Variants in THSD7A observed in about 807,000 individuals in gnomAD.
The protein encoded by THSD7A is thrombospondin type-1 domain-containing protein 7A.
In THSD7A, 96 loss-of-function variants were observed where a neutral mutation model predicts 231.3. The ratio of observed to expected loss-of-function variants is 0.41; its 90% CI spans 0.35 to 0.49. The LOEUF is 0.49. Ranked by LOEUF, THSD7A falls within the 20% of genes least tolerant of loss-of-function variation. The pLI is 0.05. For synonymous variants in THSD7A, 940 were observed against 743.3 expected, an observed-to-expected ratio of 1.26 and a Z score of -4.30; for missense variants, 2,290 against 2,070.2, an observed-to-expected ratio of 1.11 and a Z score of -2.06.
In THSD7A at chr7:11,831,556, G is replaced by A. The variant is rs921565025; in HGVS notation, c.190+201C>T. 1.3e-5 allele frequency among the ~76,000 whole-genome samples: 2 copies of A among 152,172 alleles called. No homozygotes were observed. On this transcript the variant is annotated intron_variant, in intron 1 of 27. Transcript: ENST00000423059. The surrounding 1 kb of genome is among the most constrained non-coding windows in gnomAD (Gnocchi z 5.0). ...GAGAGAAATATTCCAGCTACTCACT[G>A]TTGCCTCTTAGTTGTTATGCTTTTC...
At chr7:11,570,559 CATT>C (rs1466675484) in intron 4 of THSD7A, among the ~76,000 whole-genome samples, 4 of 152,168 alleles carry the variant, frequency 2.6e-5, no homozygotes, top group Admixed American at 1.3e-4. Context: ...CTGTTTTGAT[CATT>C]ATACATTGTA....
chr7:11,668,250 C>G (rs1783225914), intron 1 of THSD7A, among the ~76,000 whole-genome samples: 1 of 152,026 alleles, frequency 6.6e-6, no homozygotes, highest in East Asian at 1.9e-4. Flanking sequence ...AACCCTGTCT[C>G]TAGTAAAAAT....
intron 1 of THSD7A, among the ~76,000 whole-genome samples, chr7:11,716,836 A>G (rs1322342324): frequency 6.6e-6 from 1 of 151,544 alleles, no homozygotes; most frequent in Non-Finnish European, 1.5e-5. Context: ...TACTACTACT[A>G]AGAAAAACAG....
At chr7:11,569,014 A>G (rs1291893392) in intron 4 of THSD7A, among the ~76,000 whole-genome samples, 1 of 150,740 alleles carries the variant, frequency 6.6e-6, no homozygotes, top group African/African-American at 2.4e-5. Flanking sequence ...CTACACTCCT[A>G]TCTCTCACCA....
intron 1 of THSD7A, among the ~76,000 whole-genome samples, chr7:11,675,369 G>C (rs1783595509): frequency 6.6e-6 from 1 of 152,224 alleles, no homozygotes; most frequent in African/African-American, 2.4e-5. Context: ...GCTAGTTGCA[G>C]GAGTTTTTCA....
chr7:11,419,593 G>T (rs560280565), intron 16 of THSD7A, among the ~76,000 whole-genome samples: 1 of 152,072 alleles, frequency 6.6e-6, no homozygotes, highest in African/African-American at 2.4e-5. Context: ...ACAGAAAATT[G>T]GTACAAAAGA....
chr7:11,823,319 T>C (rs992193194), intron 1 of THSD7A, among the ~76,000 whole-genome samples: 1 of 152,108 alleles, frequency 6.6e-6, no homozygotes, highest in Non-Finnish European at 1.5e-5. Context: ...TATGCATCTA[T>C]TTTTATACTA....
At chr7:11,448,286 T>C (rs1284994269) in intron 11 of THSD7A, among the ~76,000 whole-genome samples, 1 of 152,140 alleles carries the variant, frequency 6.6e-6, no homozygotes, top group Non-Finnish European at 1.5e-5. Context: ...GAGTGTTTTA[T>C]GGTAACAAGT....
intron 1 of THSD7A, among the ~76,000 whole-genome samples, chr7:11,689,991 A>G (rs1780184903): frequency 6.6e-6 from 1 of 151,772 alleles, no homozygotes; most frequent in Admixed American, 6.6e-5. Context: ...AGCTTCCAAC[A>G]AAGAATTCAT....
rs925689842 is a variant in THSD7A at position 11,571,593 on chromosome 7, T to C, written c.1453+18867A>G. Among the ~76,000 whole-genome samples the C allele has an allele frequency of 2.0e-5, 3 of 152,242 alleles. No homozygotes were observed. The East Asian group carries it at 5.8e-4, about 29-fold the overall frequency. ...ACATGGCTCAGGTAATCTATCTCCA[T>C]AGTCTATGTTCACAACTGCTCAGTA... On this transcript the variant is annotated intron_variant, in intron 4 of 27. Coordinates refer to ENST00000423059, the MANE Select transcript of THSD7A (RefSeq NM_015204.3).
intron 1 of THSD7A, among the ~76,000 whole-genome samples, chr7:11,802,503 G>A (rs976224043): frequency 6.6e-6 from 1 of 152,046 alleles, no homozygotes; most frequent in Non-Finnish European, 1.5e-5. Flanking sequence ...TCTGGATCCT[G>A]GGGAATCAGC....
intron 23 of THSD7A, among the ~76,000 whole-genome samples, chr7:11,398,328 T>C (rs1353062075): frequency 2.0e-5 from 3 of 151,244 alleles, no homozygotes; most frequent in African/African-American, 7.3e-5. Context: ...TAATTGGGAG[T>C]TGAACAATGA....
chr7:11,465,206 G>C (rs562951200), intron 9 of THSD7A, among the ~76,000 whole-genome samples: 15 of 152,192 alleles, frequency 9.9e-5, no homozygotes, highest in African/African-American at 3.4e-4. Context: ...TTCTCAACTG[G>C]ATTATTAGTT....
At chr7:11,823,683 A>T (rs1174644117) in intron 1 of THSD7A, among the ~76,000 whole-genome samples, 2 of 151,884 alleles carry the variant, frequency 1.3e-5, no homozygotes, top group African/African-American at 4.8e-5. Flanking sequence ...CTTTAGTTAA[A>T]TTCATTTATA....
chr7:11,491,775 T>C (rs1461556346), intron 6 of THSD7A, among the ~76,000 whole-genome samples: 5 of 152,092 alleles, frequency 3.3e-5, no homozygotes, highest in Non-Finnish European at 5.9e-5. Context: ...TGGGATGAAA[T>C]ACAGCTCCTG....
rs201646357 is a variant in THSD7A at position 11,541,601 on chromosome 7, T to C, written c.1640A>G (p.Asn547Ser). Residue 547 changes from asparagine to serine, a missense_variant, in exon 6 of 28, where the codon AAT becomes AGT. Physicochemically the swap from Asn to Ser is conservative, Grantham distance 46. Coordinates refer to ENST00000423059, the MANE Select transcript of THSD7A (RefSeq NM_015204.3). Reference protein sequence around the residue: ...GFKLRKRRITNEPTGGSGVTG... With the variant: ...GFKLRKRRITSEPTGGSGVTG... Reference sequence around the variant, plus strand: ...TACCCCAGAGCCTCCAGTGGGCTCATTGGTAATGCGCCGCTTCCTCAGTTT... The same window carrying C: ...TACCCCAGAGCCTCCAGTGGGCTCACTGGTAATGCGCCGCTTCCTCAGTTT... 64 of 1,613,930 alleles carry C rather than the reference T, an allele frequency of 4.0e-5. No individual in the cohort carries two copies. In the African/African-American group the frequency reaches 5.1e-4, roughly 13 times the overall value.
chr7:11,726,055 A>T (rs1355485507), intron 1 of THSD7A, among the ~76,000 whole-genome samples: 2 of 151,972 alleles, frequency 1.3e-5, no homozygotes, highest in Admixed American at 6.6e-5. Flanking sequence ...TTAACTATTT[A>T]AAAAATAATT....
chr7:11,467,317 T>C (rs2128300131), intron 9 of THSD7A, among the ~76,000 whole-genome samples: 1 of 152,280 alleles, frequency 6.6e-6, no homozygotes, highest in African/African-American at 2.4e-5. Flanking sequence ...GAGCTCTTTG[T>C]GTTTTACCAT....
chr7:11,372,697 C>A lies in THSD7A; in HGVS notation c.*3097G>T, dbSNP rs1353631805. ...AACAACAGACCTTCATTCTAGGGAA[C>A]AGCAGTTCTACATCTTTTACCCCCT... On this transcript the variant is annotated 3_prime_UTR_variant, in exon 28 of 28. Coordinates refer to ENST00000423059, the MANE Select transcript of THSD7A (RefSeq NM_015204.3). The A allele has an allele frequency of 1.3e-5, 2 of 151,960 alleles. No homozygotes were observed. The highest frequency in any genetic ancestry group is 3.9e-4 in the East Asian group (2 of 5,194). 9.4% of individuals were successfully genotyped at this position (151,960 alleles called of 1,614,324 possible).
Sources: gnomAD v4.1 joint callset for allele counts (sites outside exome capture counted in the v4.1 genomes callset) on GRCh38, gnomAD v4.1.1 for gene constraint, Gnocchi (gnomAD v3.1) non-coding constraint, MANE v1.5 for transcripts, NCBI Gene and HGNC (gene_info 2026-07-23, HGNC 2026-07-21) for gene names.